The following ZSWIM6 variants were observed in gnomAD, a reference collection of about 807,000 sequenced individuals.
ZSWIM6 encodes the protein zinc finger SWIM-type containing 6.
A neutral mutation model predicts 113.2 loss-of-function variants in ZSWIM6; 9 were observed. That is an observed-to-expected ratio of 0.08 (90% CI 0.05 to 0.14). The LOEUF (loss-of-function observed/expected upper bound fraction) is 0.14, where lower values mean the gene tolerates loss of function less well. Among genes scored for constraint, ZSWIM6 ranks in the 10% least tolerant of loss-of-function variants. The pLI, the probability that ZSWIM6 is intolerant of heterozygous loss-of-function variation, is 1.00. For missense variants in ZSWIM6, 1,162 were observed against 1,552.2 expected (o/e 0.75, Z 4.22); for synonymous variants, 611 against 606.5 (o/e 1.01, Z -0.11).
At chr5:61,533,898 A>AGG (rs1331695006) in intron 9 of ZSWIM6, among the ~76,000 whole-genome samples, 1 of 152,174 alleles carries the variant, frequency 6.6e-6, no homozygotes, top group Non-Finnish European at 1.5e-5. Context: ...GCTTCTGATG[A>AGG]GGGCACTCTT....
chr5:61,412,608 G>A (rs186615630), intron 1 of ZSWIM6, among the ~76,000 whole-genome samples: 4 of 152,304 alleles, frequency 2.6e-5, no homozygotes, highest in Admixed American at 2.6e-4. Context: ...AAGTTCCGCA[G>A]TGAAAACAGA....
intron 1 of ZSWIM6, among the ~76,000 whole-genome samples, chr5:61,420,039 G>A (rs1279925742): frequency 2.0e-5 from 3 of 152,200 alleles, no homozygotes; most frequent in Non-Finnish European, 4.4e-5. Flanking sequence ...TATCTCACAG[G>A]ATTGTTGTGT....
intron 1 of ZSWIM6, among the ~76,000 whole-genome samples, chr5:61,342,861 C>T (rs981687656): frequency 6.6e-6 from 1 of 151,840 alleles, no homozygotes; most frequent in Non-Finnish European, 1.5e-5. Context: ...CAAATAATCT[C>T]CAGAACTCTA....
At chr5:61,445,432 A>G (rs1461080681) in intron 1 of ZSWIM6, among the ~76,000 whole-genome samples, 2 of 152,224 alleles carry the variant, frequency 1.3e-5, no homozygotes, top group African/African-American at 2.4e-5. Flanking sequence ...GAATCCTCAA[A>G]TCAGTGCAAC....
chr5:61,433,907 TAAG>T (rs1261404124), intron 1 of ZSWIM6, among the ~76,000 whole-genome samples: 2 of 150,746 alleles, frequency 1.3e-5, no homozygotes, highest in Non-Finnish European at 3.0e-5. Context: ...AAATAAGCAA[TAAG>T]AAGGAACAAT....
chr5:61,471,209 A>C (rs1015639542), intron 1 of ZSWIM6, among the ~76,000 whole-genome samples: 18 of 152,192 alleles, frequency 1.2e-4, no homozygotes, highest in African/African-American at 4.3e-4. Flanking sequence ...AGGTACCTGA[A>C]ATCCTGAGGT....
intron 1 of ZSWIM6, among the ~76,000 whole-genome samples, chr5:61,362,884 A>G (rs892334317): frequency 5.3e-5 from 8 of 152,248 alleles, no homozygotes; most frequent in African/African-American, 1.9e-4. Context: ...CAGTACACAC[A>G]TACGTTACTA....
In ZSWIM6 at chr5:61,530,083, C is replaced by A; in HGVS notation, c.1869C>A (p.Thr623=). The stretch of plus-strand genomic sequence containing the variant: ...CCCATAAAAACATAACCTCGATAAC[C>A]AATCTGGAGGGCTGGGTTGGACATC... ...ELPHKNITSI[T]NLEGWVGHPL... The change falls in exon 8 of 14, where the codon ACC becomes ACA. Residue 623 remains threonine (T), a synonymous_variant. Coordinates refer to ENST00000252744, the MANE Select transcript of ZSWIM6 (RefSeq NM_020928.2). 6.4e-7 allele frequency: 1 copy of A among 1,551,402 alleles called. No individual in the cohort carries two copies. The highest frequency in any genetic ancestry group is 8.7e-7 in the Non-Finnish European group (1 of 1,146,784).
At chr5:61,512,630 GC>G (rs1210129060) in intron 4 of ZSWIM6, among the ~76,000 whole-genome samples, 1 of 152,046 alleles carries the variant, frequency 6.6e-6, no homozygotes, top group African/African-American at 2.4e-5. Context: ...GCCTGCAGTT[GC>G]TGTCAGGTTA....
intron 1 of ZSWIM6, among the ~76,000 whole-genome samples, chr5:61,431,167 T>G (rs184872415): frequency 2.0e-5 from 3 of 149,712 alleles, no homozygotes; most frequent in African/African-American, 7.4e-5. Context: ...GTCAGAAGAT[T>G]CAGACCAGCC....
At chr5:61,417,002 C>T (rs1371639585) in intron 1 of ZSWIM6, among the ~76,000 whole-genome samples, 3 of 152,130 alleles carry the variant, frequency 2.0e-5, no homozygotes, top group East Asian at 3.9e-4. Flanking sequence ...ATTAGCCAGG[C>T]GTAGTGGCAC....
intron 1 of ZSWIM6, among the ~76,000 whole-genome samples, chr5:61,342,540 T>C (rs1744570621): frequency 6.6e-6 from 1 of 152,204 alleles, no homozygotes; most frequent in South Asian, 2.1e-4. Flanking sequence ...CCTCTTTGGT[T>C]GGTGCTCAAG....
chr5:61,525,204 A>G (rs1194396362), intron 5 of ZSWIM6, among the ~76,000 whole-genome samples: 2 of 152,178 alleles, frequency 1.3e-5, no homozygotes. Flanking sequence ...AATGTTAAAT[A>G]TATGCATTTA....
intron 1 of ZSWIM6, among the ~76,000 whole-genome samples, chr5:61,350,510 TAAG>T (rs918690282): frequency 6.6e-6 from 1 of 152,190 alleles, no homozygotes; most frequent in Non-Finnish European, 1.5e-5. Flanking sequence ...AGGAAGCAGT[TAAG>T]AGATTCTCAG....
intron 11 of ZSWIM6, 48 bp downstream of exon 11, chr5:61,539,019 T>C (rs1349549605): frequency 7.0e-6 from 10 of 1,438,068 alleles, no homozygotes; most frequent in Non-Finnish European, 9.2e-6. Context: ...CGTTTGCCTG[T>C]TTATTTTTTT....
intron 1 of ZSWIM6, chr5:61,391,595 C>T (rs1745715650): frequency 2.0e-5 from 18 of 909,696 alleles, no homozygotes; most frequent in South Asian, 1.7e-4. Context: ...GGGGTTTCCA[C>T]GAAGCCCACA....
intron 1 of ZSWIM6, among the ~76,000 whole-genome samples, chr5:61,342,080 A>T (rs1485116100): frequency 6.6e-6 from 1 of 151,910 alleles, no homozygotes; most frequent in Non-Finnish European, 1.5e-5. Context: ...GGGTTTCACC[A>T]TGTTGGCCAG....
In ZSWIM6 at chr5:61,545,861, A is replaced by C. The variant is rs943885708; in HGVS notation, c.*1544A>C. On this transcript the variant is annotated 3_prime_UTR_variant, in exon 14 of 14. Coordinates refer to ENST00000252744, the MANE Select transcript of ZSWIM6 (RefSeq NM_020928.2). ...CTGTAACCTTGTGCTTTTTAAAGCAATTTTTATGTTTTGGTGCAAAAGTTG... is the reference window on the plus strand; with the variant it reads ...CTGTAACCTTGTGCTTTTTAAAGCACTTTTTATGTTTTGGTGCAAAAGTTG... 2 of 152,080 alleles carry C rather than the reference A, an allele frequency of 1.3e-5. No individual in the cohort carries two copies. The highest frequency in any genetic ancestry group is 4.8e-5 in the African/African-American group (2 of 41,420). The allele number at this position is 152,080 out of a possible 1,614,324, so 9.4% of individuals were successfully genotyped here.
intron 1 of ZSWIM6, among the ~76,000 whole-genome samples, chr5:61,468,677 G>A (rs1266403450): frequency 1.3e-5 from 2 of 152,120 alleles, no homozygotes; most frequent in Non-Finnish European, 2.9e-5. Context: ...ACCAGCAGGG[G>A]GATGTTTTAC....
Sources: allele counts gnomAD v4.1 joint callset (sites outside exome capture counted in the v4.1 genomes callset), GRCh38; gene constraint gnomAD v4.1.1; transcripts MANE v1.5; gene names NCBI Gene and HGNC (gene_info 2026-07-23, HGNC 2026-07-21).